B3GALT1: variants seen among roughly 807,000 people sequenced by gnomAD.
B3GALT1 encodes beta-1,3-galactosyltransferase 1, also known as UDP-Gal:betaGlcNAc beta 1,3-galactosyltransferase, polypeptide 1.
Under a neutral mutation model 23.2 loss-of-function variants are expected in B3GALT1, and 10 were observed. The observed-to-expected ratio is 0.43, with a 90% CI of 0.27 to 0.73. The LOEUF is 0.73. Ranked by LOEUF, B3GALT1 falls within the 30% of genes least tolerant of loss-of-function variation. The pLI is 0.21. For missense variants in B3GALT1, 299 were observed against 405.4 expected (o/e 0.74, Z 2.25); for synonymous variants, 156 against 141.5 (o/e 1.10, Z -0.73).
At chr2:167,716,115 G>T in intron 3 of B3GALT1, 1 of 1,491,910 alleles carries the variant, frequency 6.7e-7, no homozygotes. Flanking sequence ...GCCACAACAA[G>T]CGGTGGAGAA....
intron 3 of B3GALT1, among the ~76,000 whole-genome samples, chr2:167,665,687 C>G (rs1450292812): frequency 1.3e-5 from 2 of 152,058 alleles, no homozygotes; most frequent in Admixed American, 1.3e-4. Flanking sequence ...CTGGTTTAGT[C>G]TTGGGAGAGT....
chr2:167,566,466 C>T (rs1684169468), intron 2 of B3GALT1, among the ~76,000 whole-genome samples: 1 of 151,508 alleles, frequency 6.6e-6, no homozygotes, highest in Non-Finnish European at 1.5e-5. Context: ...CTAACCTGCA[C>T]ATTGTGCACA....
At chr2:167,774,497 G>GTTTTTTTT (rs397986581) in intron 3 of B3GALT1, among the ~76,000 whole-genome samples, 2 of 82,994 alleles carry the variant, frequency 2.4e-5, no homozygotes, top group East Asian at 3.2e-4. Flanking sequence ...TTTTTTTTTT[G>GTTTTTTTT]TTTTTTTTTT....
intron 2 of B3GALT1, among the ~76,000 whole-genome samples, chr2:167,620,559 C>T (rs1483721345): frequency 6.6e-6 from 1 of 152,054 alleles, no homozygotes; most frequent in Non-Finnish European, 1.5e-5. Flanking sequence ...TTTGCAAATT[C>T]ACCTACTTAC....
intron 1 of B3GALT1, among the ~76,000 whole-genome samples, chr2:167,450,487 A>G (rs1170593940): frequency 1.3e-5 from 2 of 152,134 alleles, no homozygotes; most frequent in Non-Finnish European, 2.9e-5. Context: ...TTCTTGGCTG[A>G]TAACTGTTTT....
At chr2:167,808,165 C>T (rs1688800010) in intron 3 of B3GALT1, among the ~76,000 whole-genome samples, 1 of 150,964 alleles carries the variant, frequency 6.6e-6, no homozygotes, top group African/African-American at 2.4e-5. Context: ...GTAGATCTTC[C>T]TCCATCCCTT....
chr2:167,823,281 A>C (rs778136501), intron 4 of B3GALT1, among the ~76,000 whole-genome samples: 1 of 152,172 alleles, frequency 6.6e-6, no homozygotes. Flanking sequence ...GCTGGTGTGG[A>C]CCTAACAGAG....
intron 3 of B3GALT1, among the ~76,000 whole-genome samples, chr2:167,694,081 CT>C (rs1340039103): frequency 6.6e-6 from 1 of 152,046 alleles, no homozygotes; most frequent in African/African-American, 2.4e-5. Context: ...TGGCTAGGTT[CT>C]TTTTGGCACC....
chr2:167,647,505 A>C (rs1685768231), intron 3 of B3GALT1, among the ~76,000 whole-genome samples: 1 of 152,196 alleles, frequency 6.6e-6, no homozygotes, highest in African/African-American at 2.4e-5. Flanking sequence ...CAATATGCCG[A>C]CTAATTTTTC....
At chr2:167,802,593 A>G (rs191734573) in intron 3 of B3GALT1, among the ~76,000 whole-genome samples, 4 of 152,366 alleles carry the variant, frequency 2.6e-5, no homozygotes. Flanking sequence ...CTAAGCCTAC[A>G]CATTTCATCT....
chr2:167,758,411 C>T (rs1054665683), intron 3 of B3GALT1, among the ~76,000 whole-genome samples: 3 of 152,108 alleles, frequency 2.0e-5, no homozygotes, highest in African/African-American at 7.2e-5. Context: ...ATGATCTCAG[C>T]GATAGGACAT....
intron 2 of B3GALT1, among the ~76,000 whole-genome samples, chr2:167,639,599 AC>A (rs1685617859): frequency 3.2e-5 from 2 of 62,288 alleles, no homozygotes; most frequent in African/African-American, 5.7e-5. Context: ...ATTACTGGAG[AC>A]TTAGATAGAC....
At chr2:167,847,145 C>T (rs960253628) in intron 4 of B3GALT1, among the ~76,000 whole-genome samples, 1 of 152,140 alleles carries the variant, frequency 6.6e-6, no homozygotes, top group Non-Finnish European at 1.5e-5. Flanking sequence ...TAGACAGCAA[C>T]ACAATAATCA....
intron 2 of B3GALT1, among the ~76,000 whole-genome samples, chr2:167,539,259 T>A (rs553810023): frequency 0.015 from 2,267 of 148,196 alleles, 54 homozygotes; most frequent in African/African-American, 0.052. Context: ...TTTTTCTATT[T>A]AAAAAAAAAA....
At chr2:167,477,983 G>A (rs1699509644) in intron 1 of B3GALT1, among the ~76,000 whole-genome samples, 1 of 152,052 alleles carries the variant, frequency 6.6e-6, no homozygotes, top group Non-Finnish European at 1.5e-5. Context: ...GTTATATTTT[G>A]GGTATTGTGC....
intron 2 of B3GALT1, among the ~76,000 whole-genome samples, chr2:167,560,799 C>G (rs1683966433): frequency 6.6e-6 from 1 of 152,174 alleles, no homozygotes; most frequent in Non-Finnish European, 1.5e-5. Context: ...CACCCAGATC[C>G]ATAAAGCAAG....
chr2:167,413,234 A>G (rs1264372567), intron 1 of B3GALT1, among the ~76,000 whole-genome samples: 1 of 152,046 alleles, frequency 6.6e-6, no homozygotes, highest in Non-Finnish European at 1.5e-5. Context: ...AAGACATTAT[A>G]TTGATCCTTT....
chr2:167,862,375 T>A lies in B3GALT1; in HGVS notation c.-229-6436T>A, dbSNP rs1388983865. ...ACTGGTGTCTGAGCTCAGGAGGAGA[T>A]GCATGTCACAGCTTAAGCAGAGAGA... On this transcript the variant is annotated intron_variant, in intron 4 of 4. Transcript: ENST00000392690. Among the ~76,000 whole-genome samples, 3 of 152,224 alleles carry A rather than the reference T, an allele frequency of 2.0e-5. No homozygotes were observed. In the East Asian group the frequency reaches 5.8e-4, roughly 29 times the overall value.
At chr2:167,826,181 G>A (rs541782489) in intron 4 of B3GALT1, among the ~76,000 whole-genome samples, 1 of 152,038 alleles carries the variant, frequency 6.6e-6, no homozygotes, top group Non-Finnish European at 1.5e-5. Context: ...TAGGTCACAC[G>A]GCAGGGAATG....
Sources: allele counts gnomAD v4.1 joint callset (sites outside exome capture counted in the v4.1 genomes callset), GRCh38; gene constraint gnomAD v4.1.1; transcripts MANE v1.5; gene names NCBI Gene and HGNC (gene_info 2026-07-23, HGNC 2026-07-21).